GALNTL6: variants seen among roughly 807,000 people sequenced by gnomAD.
GALNTL6 encodes the protein polypeptide N-acetylgalactosaminyltransferase like 6, also known as polypeptide N-acetylgalactosaminyltransferase-like 6.
Under a neutral mutation model 73.7 loss-of-function variants are expected in GALNTL6, and 46 were observed. The observed-to-expected ratio is 0.62, with a 90% CI of 0.49 to 0.80. The LOEUF (loss-of-function observed/expected upper bound fraction) is 0.80, where lower values mean the gene tolerates loss of function less well. GALNTL6 is among the 30% of genes least tolerant of loss of function. The pLI, the probability that GALNTL6 is intolerant of heterozygous loss-of-function variation, is 0.00. For synonymous variants in GALNTL6, 259 were observed against 263.7 expected (o/e 0.98, Z 0.17); for missense variants, 604 against 755.0 (o/e 0.80, Z 2.34).
chr4:172,742,733 A>G (rs1328630695), intron 5 of GALNTL6, among the ~76,000 whole-genome samples: 1 of 152,056 alleles, frequency 6.6e-6, no homozygotes, highest in African/African-American at 2.4e-5. Context: ...AACAAACTAT[A>G]CTGCTTAAAA....
At chr4:172,583,771 C>A (rs1057336618) in intron 5 of GALNTL6, among the ~76,000 whole-genome samples, 1 of 151,594 alleles carries the variant, frequency 6.6e-6, no homozygotes, top group Non-Finnish European at 1.5e-5. Context: ...GTGGCACACG[C>A]CTGTAATCCC....
chr4:172,906,411 C>T (rs1311309565), intron 8 of GALNTL6, among the ~76,000 whole-genome samples: 1 of 152,150 alleles, frequency 6.6e-6, no homozygotes, highest in African/African-American at 2.4e-5. Context: ...AAAGAAAACA[C>T]CTGAAGTGAC....
intron 2 of GALNTL6, among the ~76,000 whole-genome samples, chr4:172,136,989 TTAAC>T (rs1232217287): frequency 1.3e-5 from 2 of 152,098 alleles, no homozygotes; most frequent in African/African-American, 4.8e-5. Flanking sequence ...TCTTTCTATA[TTAAC>T]TAACTCCCAT....
chr4:172,866,313 AAG>A (rs139177121), intron 7 of GALNTL6, among the ~76,000 whole-genome samples: 6 of 151,754 alleles, frequency 4.0e-5, no homozygotes, highest in Admixed American at 2.0e-4. Context: ...GGTGGGGAGA[AAG>A]AGAGAGAGAG....
At chr4:171,935,364 A>G (rs1738308221) in intron 2 of GALNTL6, among the ~76,000 whole-genome samples, 2 of 152,174 alleles carry the variant, frequency 1.3e-5, no homozygotes. Context: ...AAACCAGAGG[A>G]TAGCACCCAA....
intron 2 of GALNTL6, among the ~76,000 whole-genome samples, chr4:171,999,464 G>T (rs1414798181): frequency 6.6e-6 from 1 of 152,074 alleles, no homozygotes; most frequent in African/African-American, 2.4e-5. Flanking sequence ...TTAGATTATG[G>T]TCCAGTGACC....
At chr4:172,484,143 A>G (rs1477774912) in intron 5 of GALNTL6, among the ~76,000 whole-genome samples, 1 of 152,190 alleles carries the variant, frequency 6.6e-6, no homozygotes, top group Non-Finnish European at 1.5e-5. Context: ...CATATTACTT[A>G]GCTTAATAAA....
At chr4:172,978,834 A>G (rs1750947881) in intron 10 of GALNTL6, among the ~76,000 whole-genome samples, 1 of 152,222 alleles carries the variant, frequency 6.6e-6, no homozygotes, top group Non-Finnish European at 1.5e-5. Flanking sequence ...CTCACAGATT[A>G]GCACACATCC....
intron 2 of GALNTL6, among the ~76,000 whole-genome samples, chr4:172,111,332 G>A (rs1481741525): frequency 6.6e-6 from 1 of 152,020 alleles, no homozygotes; most frequent in African/African-American, 2.4e-5. Flanking sequence ...CTATGTTCAT[G>A]TCAATACTAC....
chr4:171,835,874 A>G (rs1484331521), intron 2 of GALNTL6, among the ~76,000 whole-genome samples: 1 of 152,018 alleles, frequency 6.6e-6, no homozygotes, highest in African/African-American at 2.4e-5. Context: ...AACAGTAGTG[A>G]TAATGGTTTA....
At chr4:172,633,110 A>C (rs887071946) in intron 5 of GALNTL6, among the ~76,000 whole-genome samples, 3 of 152,170 alleles carry the variant, frequency 2.0e-5, no homozygotes, top group Non-Finnish European at 2.9e-5. Context: ...GTGGAAGGGA[A>C]ATGTGGGGTT....
At chr4:172,723,308 GATAT>G (rs1396737564) in intron 5 of GALNTL6, among the ~76,000 whole-genome samples, 1 of 151,936 alleles carries the variant, frequency 6.6e-6, no homozygotes, top group Non-Finnish European at 1.5e-5. Context: ...ACCACAGTAT[GATAT>G]AATGAAAAAG....
intron 2 of GALNTL6, among the ~76,000 whole-genome samples, chr4:172,050,655 G>T (rs1481662883): frequency 6.6e-6 from 1 of 152,100 alleles, no homozygotes; most frequent in South Asian, 2.1e-4. Flanking sequence ...ATTCAGGGAC[G>T]TTAGTTATCT....
intron 2 of GALNTL6, among the ~76,000 whole-genome samples, chr4:172,109,013 CAAAAAA>C (rs202017302): frequency 2.3e-4 from 25 of 108,292 alleles, no homozygotes; most frequent in Admixed American, 2.2e-4. Context: ...ACTCCATCTC[CAAAAAA>C]AAAAAAAAAA....
At chr4:172,596,212 T>C (rs1438519378) in intron 5 of GALNTL6, among the ~76,000 whole-genome samples, 2 of 151,700 alleles carry the variant, frequency 1.3e-5, no homozygotes, top group Non-Finnish European at 2.9e-5. Flanking sequence ...TCCCAGCACT[T>C]TGGGAGGTTG....
Position 172,135,123 on chromosome 4 carries a change from C to T in GALNTL6, c.139-94533C>T, listed in dbSNP as rs142708286. The stretch of plus-strand genomic sequence containing the variant: ...GTGCCAGCTTTTCTAAAGAGAAAAA[C>T]GTGGATATTGGGGAGCTTTTATAAC... On this transcript the variant is annotated intron_variant, in intron 2 of 12. Coordinates refer to ENST00000506823, the MANE Select transcript of GALNTL6 (RefSeq NM_001034845.3). Among the ~76,000 whole-genome samples the T allele has an allele frequency of 3.9e-3, 590 of 152,118 alleles. 3 individuals are homozygous for T. The highest frequency in any genetic ancestry group is 0.013 in the African/African-American group (551 of 41,488).
Position 172,884,083 on chromosome 4 carries a change from G to A in GALNTL6, c.1041+1176G>A, listed in dbSNP as rs1187638875. Reference sequence around the variant, plus strand: ...TGAGACCATTGTCACAAAAAAATGGGAATGCAGATATCACTTCTACATACT... The same window carrying A: ...TGAGACCATTGTCACAAAAAAATGGAAATGCAGATATCACTTCTACATACT... On this transcript the variant is annotated intron_variant, in intron 8 of 12. Coordinates refer to ENST00000506823, the MANE Select transcript of GALNTL6 (RefSeq NM_001034845.3). 2.0e-5 allele frequency among the ~76,000 whole-genome samples: 3 copies of A among 152,094 alleles called. No homozygotes were observed. The East Asian group carries it at 5.8e-4, about 29-fold the overall frequency.
chr4:172,333,383 C>T (rs200618736), intron 4 of GALNTL6, among the ~76,000 whole-genome samples: 21 of 151,812 alleles, frequency 1.4e-4, no homozygotes, highest in Non-Finnish European at 2.2e-4. Flanking sequence ...CCAGCCTAGG[C>T]GACAAAAGTG....
chr4:172,862,936 G>C (rs1197706395), intron 7 of GALNTL6, among the ~76,000 whole-genome samples: 2 of 152,206 alleles, frequency 1.3e-5, no homozygotes, highest in East Asian at 3.9e-4. Flanking sequence ...TGCAGCCTAG[G>C]GACTTGGTGC....
Sources: allele counts gnomAD v4.1 joint callset (sites outside exome capture counted in the v4.1 genomes callset), GRCh38; gene constraint gnomAD v4.1.1; transcripts MANE v1.5; gene names NCBI Gene and HGNC (gene_info 2026-07-23, HGNC 2026-07-21).